Variants in FRMD4A observed in about 807,000 individuals in gnomAD.
FRMD4A encodes FERM domain-containing protein 4A.
FRMD4A carries 29 observed loss-of-function variants against 129.1 expected under a neutral mutation model. That is an observed-to-expected ratio of 0.22 (90% CI 0.17 to 0.31). The LOEUF (loss-of-function observed/expected upper bound fraction) is 0.31. Ranked by LOEUF, FRMD4A falls within the 10% of genes least tolerant of loss-of-function variation. The pLI, the probability that FRMD4A is intolerant of heterozygous loss-of-function variation, is 1.00. For synonymous variants in FRMD4A, 634 were observed against 571.6 expected, an observed-to-expected ratio of 1.11 and a Z score of -1.56; for missense variants, 1,272 against 1,375.8, an observed-to-expected ratio of 0.92 and a Z score of 1.19.
chr10:13,659,059 G>C (rs1370886885), intron 21 of FRMD4A, among the ~76,000 whole-genome samples: 2 of 152,170 alleles, frequency 1.3e-5, no homozygotes, highest in Admixed American at 1.3e-4. Context: ...AGCCTCTGTG[G>C]CCTCTGCTTT....
intron 2 of FRMD4A, among the ~76,000 whole-genome samples, chr10:14,064,867 C>A (rs528199891): frequency 6.6e-6 from 1 of 152,078 alleles, no homozygotes; most frequent in African/African-American, 2.4e-5. Context: ...TGTGAGCCAC[C>A]GCGCCCAGCC....
chr10:14,221,708 C>G (rs1420312952), intron 2 of FRMD4A, among the ~76,000 whole-genome samples: 1 of 120,654 alleles, frequency 8.3e-6, no homozygotes, highest in South Asian at 3.3e-4. Flanking sequence ...TACAGGTACA[C>G]AGTACCACGC....
intron 2 of FRMD4A, among the ~76,000 whole-genome samples, chr10:14,040,150 G>A (rs1265085593): frequency 2.0e-5 from 3 of 152,146 alleles, no homozygotes; most frequent in Admixed American, 2.0e-4. Flanking sequence ...GAGTCACACA[G>A]CCAGTCGAAT....
At chr10:14,146,683 G>A (rs893991474) in intron 2 of FRMD4A, among the ~76,000 whole-genome samples, 1 of 152,134 alleles carries the variant, frequency 6.6e-6, no homozygotes, top group Non-Finnish European at 1.5e-5. Context: ...ACGGCACTAA[G>A]TTCCATGGAA....
chr10:13,822,746 G>A (rs1188113022), intron 3 of FRMD4A, among the ~76,000 whole-genome samples: 1 of 152,130 alleles, frequency 6.6e-6, no homozygotes, highest in Admixed American at 6.5e-5. Context: ...AGGGGCCTGT[G>A]ACAGATACTT....
At chr10:14,007,827 T>A (rs889252650) in intron 2 of FRMD4A, among the ~76,000 whole-genome samples, 9 of 152,190 alleles carry the variant, frequency 5.9e-5, no homozygotes, top group Non-Finnish European at 1.2e-4. Context: ...ATTTCATCTC[T>A]AAGAGCACCC....
At chr10:14,101,387 T>C (rs1217076788) in intron 2 of FRMD4A, among the ~76,000 whole-genome samples, 1 of 152,172 alleles carries the variant, frequency 6.6e-6, no homozygotes, top group Admixed American at 6.5e-5. Context: ...GGGGTTAGTC[T>C]TACGAGTAGA....
rs1554858912 is a variant in FRMD4A, at chr10:13,714,030, A to ATATATAAAATATATATTT, written c.760-6918_760-6917insAAATATATATTTTATATA. On this transcript the variant is annotated intron_variant, in intron 12 of 24. Transcript: ENST00000357447. ...TAATATACATATATAAAATATACAT[A>ATATATAAAATATATATTT]TATATATATATATATATATATATAT... is the stretch of plus-strand genomic sequence containing the variant. 1.5e-3 allele frequency among the ~76,000 whole-genome samples: 96 copies of ATATATAAAATATATATTT among 65,352 alleles called. 22 individuals are homozygous for ATATATAAAATATATATTT. Among genetic ancestry groups the ATATATAAAATATATATTT allele is most frequent in the African/African-American group, 4.1e-3 (72 of 17,402 alleles). The allele number at this position is 65,352 out of a possible 152,430, so 42.9% of individuals were successfully genotyped here.
chr10:14,227,189 C>T (rs1843468468), intron 2 of FRMD4A, among the ~76,000 whole-genome samples: 1 of 146,842 alleles, frequency 6.8e-6, no homozygotes, highest in Admixed American at 6.8e-5. Flanking sequence ...AGGTTCATCT[C>T]TTTAGTCGTC....
chr10:14,305,264 C>G (rs927859015), intron 2 of FRMD4A, among the ~76,000 whole-genome samples: 8 of 152,148 alleles, frequency 5.3e-5, no homozygotes, highest in African/African-American at 1.9e-4. Context: ...CACATTTCCC[C>G]AAAATACACG....
intron 13 of FRMD4A, among the ~76,000 whole-genome samples, chr10:13,706,300 A>G (rs2087427635): frequency 6.6e-6 from 1 of 152,090 alleles, no homozygotes; most frequent in African/African-American, 2.4e-5. Flanking sequence ...GGGGATGCAT[A>G]TAACTTTAGG....
chr10:14,173,892 G>C (rs1455641895), intron 2 of FRMD4A, among the ~76,000 whole-genome samples: 1 of 151,918 alleles, frequency 6.6e-6, no homozygotes, highest in East Asian at 1.9e-4. Context: ...GAGAGATCCA[G>C]TTGCAATCGC....
At chr10:14,176,516 C>T (rs1240609947) in intron 2 of FRMD4A, among the ~76,000 whole-genome samples, 3 of 140,606 alleles carry the variant, frequency 2.1e-5, no homozygotes, top group Admixed American at 7.4e-5. Flanking sequence ...CCTCTGTTGG[C>T]CAGGCTGGAG....
At chr10:13,921,984 A>G (rs909779418) in intron 2 of FRMD4A, among the ~76,000 whole-genome samples, 1 of 152,118 alleles carries the variant, frequency 6.6e-6, no homozygotes, top group East Asian at 1.9e-4. Context: ...TTAGGTGTAG[A>G]TGAGTTCTAA....
chr10:13,718,733 A>C (rs2089120308), intron 12 of FRMD4A, among the ~76,000 whole-genome samples: 1 of 152,204 alleles, frequency 6.6e-6, no homozygotes, highest in Non-Finnish European at 1.5e-5. Context: ...AGCCTGCCTT[A>C]AACAACTTTC....
intron 2 of FRMD4A, among the ~76,000 whole-genome samples, chr10:13,971,474 C>A (rs148914864): frequency 2.6e-5 from 4 of 152,268 alleles, no homozygotes; most frequent in African/African-American, 9.6e-5. Context: ...CTTCACGTGG[C>A]GCACCGTATG....
chr10:14,054,571 A>T (rs1834419243), intron 2 of FRMD4A, among the ~76,000 whole-genome samples: 1 of 152,182 alleles, frequency 6.6e-6, no homozygotes, highest in Non-Finnish European at 1.5e-5. Flanking sequence ...ATCCTATTTG[A>T]TACCTGGGCA....
At chr10:13,807,936 T>C (rs2130865686) in intron 4 of FRMD4A, among the ~76,000 whole-genome samples, 1 of 152,196 alleles carries the variant, frequency 6.6e-6, no homozygotes, top group Admixed American at 6.5e-5. Flanking sequence ...ACAGCTAGGA[T>C]TATGGGCACA....
At chr10:14,194,708 T>G (rs1157403051) in intron 2 of FRMD4A, among the ~76,000 whole-genome samples, 1 of 152,204 alleles carries the variant, frequency 6.6e-6, no homozygotes, top group African/African-American at 2.4e-5. Context: ...CTTTCTGGAA[T>G]CTCTTATTTT....
Sources: allele counts gnomAD v4.1 joint callset (sites outside exome capture counted in the v4.1 genomes callset), GRCh38; gene constraint gnomAD v4.1.1; transcripts MANE v1.5; gene names NCBI Gene and HGNC (gene_info 2026-07-23, HGNC 2026-07-21).